WWOX: variants seen among roughly 807,000 people sequenced by gnomAD.
WWOX encodes the protein WW domain-containing oxidoreductase.
Under a neutral mutation model 46.2 loss-of-function variants are expected in WWOX, and 69 were observed. The observed-to-expected ratio is 1.49, with a 90% CI of 1.23 to 1.82. The LOEUF (loss-of-function observed/expected upper bound fraction) is 1.82, where lower values mean the gene tolerates loss of function less well. Among genes scored for constraint, WWOX ranks in the 40% most tolerant of loss-of-function variants. The pLI is 0.00. For missense variants in WWOX, 919 were observed against 542.6 expected (o/e 1.69, Z -6.89); for synonymous variants, 359 against 202.6 (o/e 1.77, Z -6.56).
At chr16:78,705,044 T>G (rs896361113) in intron 8 of WWOX, among the ~76,000 whole-genome samples, 2 of 152,098 alleles carry the variant, frequency 1.3e-5, no homozygotes, top group African/African-American at 4.8e-5. Flanking sequence ...GCAAGGACCA[T>G]GACTTTTGCA....
intron 4 of WWOX, among the ~76,000 whole-genome samples, chr16:78,157,865 G>T (rs990999281): frequency 1.3e-5 from 2 of 152,192 alleles, no homozygotes; most frequent in African/African-American, 4.8e-5. Flanking sequence ...TAGGTCGTAC[G>T]AATTGGGTAA....
chr16:78,936,518 C>G (rs1424535698), intron 8 of WWOX, among the ~76,000 whole-genome samples: 2 of 152,138 alleles, frequency 1.3e-5, no homozygotes, highest in African/African-American at 2.4e-5. Context: ...CCTATTAAAA[C>G]TCATGCCAGT....
At position 78,538,706 on chromosome 16, in the gene WWOX, G is replaced by C. The variant is rs139998369; in HGVS notation, c.1056+105954G>C. Among the ~76,000 whole-genome samples the C allele has an allele frequency of 1.1e-4, 16 of 152,284 alleles. No homozygotes were observed. In the East Asian group the frequency reaches 2.7e-3, roughly 26 times the overall value. Reference sequence around the variant, plus strand: ...TACTAGTAATAAATTTGATTGTTAAGGGACCAGGTTAATCTTATTTCTAAT... The same window carrying C: ...TACTAGTAATAAATTTGATTGTTAACGGACCAGGTTAATCTTATTTCTAAT... On this transcript the variant is annotated intron_variant, in intron 8 of 8. Transcript: ENST00000566780.
intron 4 of WWOX, among the ~76,000 whole-genome samples, chr16:78,154,757 T>C (rs12716851): frequency 0.074 from 11,214 of 151,892 alleles, 518 homozygotes; most frequent in East Asian, 0.25. Context: ...ACACTTGACA[T>C]AGTAGGGTTT....
At chr16:78,519,175 C>G (rs951292026) in intron 8 of WWOX, among the ~76,000 whole-genome samples, 10 of 152,250 alleles carry the variant, frequency 6.6e-5, no homozygotes, top group Middle Eastern at 3.4e-3. Flanking sequence ...GGGATCTCAT[C>G]TCTAAAACGA....
At chr16:78,216,967 C>T (rs1189806031) in intron 5 of WWOX, among the ~76,000 whole-genome samples, 1 of 152,202 alleles carries the variant, frequency 6.6e-6, no homozygotes, top group African/African-American at 2.4e-5. Flanking sequence ...AAGTGATCTG[C>T]CTGCCTTGGC....
intron 5 of WWOX, among the ~76,000 whole-genome samples, chr16:78,376,991 A>G (rs977846737): frequency 2.6e-5 from 4 of 152,186 alleles, no homozygotes; most frequent in Admixed American, 6.5e-5. Context: ...ACTTGCGGCA[A>G]TCACCAGATC....
chr16:78,845,253 A>G (rs1186548226), intron 8 of WWOX, among the ~76,000 whole-genome samples: 1 of 151,876 alleles, frequency 6.6e-6, no homozygotes, highest in Non-Finnish European at 1.5e-5. Flanking sequence ...GTGGCTCAAA[A>G]TGAAACTTAA....
At chr16:78,249,876 A>G (rs1405902805) in intron 5 of WWOX, among the ~76,000 whole-genome samples, 1 of 152,128 alleles carries the variant, frequency 6.6e-6, no homozygotes, top group Non-Finnish European at 1.5e-5. Context: ...GAGAAGGGGC[A>G]CCAGAAGGAG....
chr16:78,718,567 A>T (rs2048621262), intron 8 of WWOX, among the ~76,000 whole-genome samples: 1 of 152,062 alleles, frequency 6.6e-6, no homozygotes, highest in Non-Finnish European at 1.5e-5. Flanking sequence ...TGAGCCAAGC[A>T]TGGGTGGTCC....
chr16:78,893,068 C>G (rs1412553506), intron 8 of WWOX, among the ~76,000 whole-genome samples: 1 of 152,090 alleles, frequency 6.6e-6, no homozygotes, highest in Admixed American at 6.6e-5. Flanking sequence ...CAGAGGAGCA[C>G]TGGAGTCAGG....
At position 78,823,673 on chromosome 16, in the gene WWOX, A is replaced by C. The variant is rs541754031; in HGVS notation, c.1057-387935A>C. 3.3e-5 allele frequency among the ~76,000 whole-genome samples: 5 copies of C among 152,242 alleles called. No homozygotes were observed. In the East Asian group the frequency reaches 7.7e-4, roughly 24 times the overall value. On this transcript the variant is annotated intron_variant, in intron 8 of 8. Coordinates refer to ENST00000566780, the MANE Select transcript of WWOX (RefSeq NM_016373.4). Reference sequence around the variant, plus strand: ...TAAAAGTATACACGTATCTGTGCAAATGTGTGCATTTAAGGCCCGCCGAGC... The same window carrying C: ...TAAAAGTATACACGTATCTGTGCAACTGTGTGCATTTAAGGCCCGCCGAGC...
chr16:78,357,925 C>A (rs764661320), intron 5 of WWOX, among the ~76,000 whole-genome samples: 1 of 152,150 alleles, frequency 6.6e-6, no homozygotes, highest in Non-Finnish European at 1.5e-5. Flanking sequence ...AAGCGGTGGA[C>A]GCATTGAGTA....
chr16:78,399,595 C>G (rs957288511), intron 6 of WWOX, among the ~76,000 whole-genome samples: 4 of 152,260 alleles, frequency 2.6e-5, no homozygotes, highest in East Asian at 1.9e-4. Flanking sequence ...ACGCAGACAT[C>G]AATGCAGCAA....
At chr16:78,216,337 C>T (rs1400467552) in intron 5 of WWOX, among the ~76,000 whole-genome samples, 3 of 152,186 alleles carry the variant, frequency 2.0e-5, no homozygotes, top group Non-Finnish European at 2.9e-5. Context: ...CTGATGGATG[C>T]GTTACAGCCA....
At chr16:78,778,612 C>T (rs891007284) in intron 8 of WWOX, among the ~76,000 whole-genome samples, 2 of 152,140 alleles carry the variant, frequency 1.3e-5, no homozygotes, top group East Asian at 3.9e-4. Context: ...GTCTCAGAGT[C>T]ATTTTATCTT....
At chr16:78,255,706 A>G (rs1001515300) in intron 5 of WWOX, among the ~76,000 whole-genome samples, 1 of 152,194 alleles carries the variant, frequency 6.6e-6, no homozygotes, top group African/African-American at 2.4e-5. Flanking sequence ...AGAACAGTCA[A>G]TAATAATAAT....
intron 5 of WWOX, among the ~76,000 whole-genome samples, chr16:78,321,338 G>GTATA (rs199807849): frequency 1.9e-5 from 1 of 51,462 alleles, no homozygotes; most frequent in African/African-American, 8.3e-5. Flanking sequence ...GTATATATGC[G>GTATA]TATATATATA....
chr16:78,977,843 A>G (rs1418418620), intron 8 of WWOX, among the ~76,000 whole-genome samples: 1 of 152,194 alleles, frequency 6.6e-6, no homozygotes, highest in African/African-American at 2.4e-5. Flanking sequence ...ACATAAAAGC[A>G]AGGAAACTTC....
Sources: allele counts gnomAD v4.1 joint callset (sites outside exome capture counted in the v4.1 genomes callset), GRCh38; gene constraint gnomAD v4.1.1; transcripts MANE v1.5; gene names NCBI Gene and HGNC (gene_info 2026-07-23, HGNC 2026-07-21).